The following CNTN4 variants were observed in gnomAD, a reference collection of about 807,000 sequenced individuals.
CNTN4 encodes contactin 4, also known as contactin-4.
In CNTN4, 77 loss-of-function variants were observed where a neutral mutation model predicts 122.5. The ratio of observed to expected loss-of-function variants is 0.63; its 90% CI spans 0.52 to 0.76. CNTN4 has a LOEUF of 0.76. CNTN4 is among the 30% of genes least tolerant of loss of function. The probability of loss-of-function intolerance (pLI) is 0.00; values close to 1 mark genes in which losing one functional copy is unlikely to be tolerated. For synonymous variants in CNTN4, 512 were observed against 447.0 expected, an observed-to-expected ratio of 1.15 and a Z score of -1.83; for missense variants, 1,256 against 1,259.1, an observed-to-expected ratio of 1.00 and a Z score of 0.04.
chr3:2,193,349 GAAA>G (rs369675544), intron 2 of CNTN4, among the ~76,000 whole-genome samples: 2 of 143,438 alleles, frequency 1.4e-5, no homozygotes, highest in African/African-American at 5.1e-5. Context: ...GAAGGAGAAG[GAAA>G]AAAAAAAGCC....
intron 7 of CNTN4, among the ~76,000 whole-genome samples, chr3:2,822,264 A>C (rs1332202030): frequency 6.6e-6 from 1 of 152,212 alleles, no homozygotes; most frequent in African/African-American, 2.4e-5. Context: ...TCTGTTTCAA[A>C]TCATTATTTG....
chr3:2,564,045 T>G (rs1171197156), intron 3 of CNTN4, among the ~76,000 whole-genome samples: 6 of 152,194 alleles, frequency 3.9e-5, no homozygotes, highest in Non-Finnish European at 8.8e-5. Flanking sequence ...TGTCTGTCAT[T>G]GGGAATGATT....
intron 3 of CNTN4, among the ~76,000 whole-genome samples, chr3:2,568,317 G>GAAA (rs770465722): frequency 0.023 from 1,603 of 70,588 alleles, 57 homozygotes; most frequent in African/African-American, 0.027. Flanking sequence ...GCAAGAATGT[G>GAAA]AAAAAAAAAA....
At chr3:2,902,099 T>C (rs559277905) in intron 11 of CNTN4, among the ~76,000 whole-genome samples, 47 of 152,270 alleles carry the variant, frequency 3.1e-4, no homozygotes, top group African/African-American at 1.1e-3. Flanking sequence ...CAAAGTCTAA[T>C]AAAGTGTCCA....
chr3:2,922,716 G>A (rs114219622), intron 12 of CNTN4, among the ~76,000 whole-genome samples: 1,955 of 145,368 alleles, frequency 0.013, 39 homozygotes, highest in African/African-American at 0.047. Context: ...AGGTTAAAGC[G>A]CTTCTTATGC....
At position 3,026,864 on chromosome 3, in the gene CNTN4, T is replaced by A. The variant is rs116653614; in HGVS notation, c.1662+587T>A. On this transcript the variant is annotated intron_variant, in intron 15 of 24. Coordinates refer to ENST00000418658, the MANE Select transcript of CNTN4 (RefSeq NM_175607.3). ...TAACGGTATATTATCATTGAACACA[T>A]AACAAGAAGAGGTTAAATCTGGGAA... 3.4e-3 allele frequency among the ~76,000 whole-genome samples: 514 copies of A among 152,270 alleles called. 4 individuals are homozygous for A. Among genetic ancestry groups the A allele is most frequent in the African/African-American group, 0.011 (469 of 41,552 alleles).
At chr3:2,331,133 G>C (rs1334691487) in intron 2 of CNTN4, among the ~76,000 whole-genome samples, 1 of 152,160 alleles carries the variant, frequency 6.6e-6, no homozygotes, top group African/African-American at 2.4e-5. Context: ...GTTTCCCAAT[G>C]GGAAGGACAG....
chr3:2,209,759 T>G (rs1012069360), intron 2 of CNTN4, among the ~76,000 whole-genome samples: 1 of 152,134 alleles, frequency 6.6e-6, no homozygotes, highest in Non-Finnish European at 1.5e-5. Flanking sequence ...AAGTACAACT[T>G]CTGGGGAAAA....
At chr3:2,852,167 T>C (rs962252298) in intron 7 of CNTN4, among the ~76,000 whole-genome samples, 1 of 152,222 alleles carries the variant, frequency 6.6e-6, no homozygotes, top group African/African-American at 2.4e-5. Context: ...TAACACTGTA[T>C]ACATGATCAC....
At chr3:2,174,822 A>C (rs2036678717) in intron 2 of CNTN4, among the ~76,000 whole-genome samples, 1 of 152,184 alleles carries the variant, frequency 6.6e-6, no homozygotes, top group African/African-American at 2.4e-5. Flanking sequence ...AAGGCAAAGC[A>C]GGAGCGGGCA....
intron 2 of CNTN4, among the ~76,000 whole-genome samples, chr3:2,149,636 A>AT (rs1442311547): frequency 6.6e-6 from 1 of 152,174 alleles, no homozygotes; most frequent in African/African-American, 2.4e-5. Context: ...GTCATGTCTA[A>AT]TTTTTTAATC....
intron 18 of CNTN4, 60 bp downstream of exon 18, chr3:3,037,388 C>G (rs566054794): frequency 6.2e-7 from 1 of 1,608,402 alleles, no homozygotes; most frequent in East Asian, 2.2e-5. Context: ...TTAGGAAAAG[C>G]GTTTGAATTC....
intron 2 of CNTN4, among the ~76,000 whole-genome samples, chr3:2,304,286 A>C (rs1028270074): frequency 6.6e-6 from 1 of 152,172 alleles, no homozygotes; most frequent in East Asian, 1.9e-4. Flanking sequence ...TGTAATAATC[A>C]TGTAGCTTAG....
chr3:3,042,415 G>T lies in CNTN4; in HGVS notation c.2504G>T (p.Gly835Val). The T allele has an allele frequency of 6.2e-7, 1 of 1,605,434 alleles. No individual in the cohort carries two copies. Among genetic ancestry groups the T allele is most frequent in the South Asian group, 1.1e-5 (1 of 90,916 alleles). The change falls in exon 21 of 25, where the codon GGT becomes GTT. Residue 835 changes from glycine (G) to valine (V), a missense_variant. Coordinates refer to ENST00000418658, the MANE Select transcript of CNTN4 (RefSeq NM_175607.3). ...PLEKNRGRIQ[G>V]YEVKYWRHED... ...GAGAAGAATAGAGGACGAATACAAG[G>T]TTATGAGGTAGGCAAGACATATGTG...
intron 2 of CNTN4, among the ~76,000 whole-genome samples, chr3:2,118,238 C>T (rs1433413617): frequency 6.6e-6 from 1 of 152,134 alleles, no homozygotes; most frequent in Non-Finnish European, 1.5e-5. Flanking sequence ...TCAGGTCATG[C>T]AGCTAATAAA....
At position 2,246,170 on chromosome 3, in the gene CNTN4, TATC is replaced by T. The variant is rs756621143; in HGVS notation, c.-144-93005_-144-93003del. On this transcript the variant is annotated intron_variant, in intron 2 of 24. Coordinates refer to ENST00000418658, the MANE Select transcript of CNTN4 (RefSeq NM_175607.3). ...CACTGATGTGTTTTTTTAAAAAAAATATCATACAATGCAATTGCATATTTTGGA... is the reference window on the plus strand; with the variant it reads ...CACTGATGTGTTTTTTTAAAAAAAATATACAATGCAATTGCATATTTTGGA... Among the ~76,000 whole-genome samples, 176 of 150,448 alleles carry T rather than the reference TATC, an allele frequency of 1.2e-3. 1 individual carries two copies. Among genetic ancestry groups the T allele is most frequent in the South Asian group, 1.0e-3 (5 of 4,812 alleles).
intron 10 of CNTN4, among the ~76,000 whole-genome samples, chr3:2,898,291 C>A (rs2094136804): frequency 6.6e-6 from 1 of 152,134 alleles, no homozygotes; most frequent in African/African-American, 2.4e-5. Context: ...TATATCAGTT[C>A]AAATTTGTCT....
intron 3 of CNTN4, among the ~76,000 whole-genome samples, chr3:2,360,517 A>G (rs2045085972): frequency 6.6e-6 from 1 of 152,180 alleles, no homozygotes; most frequent in African/African-American, 2.4e-5. Flanking sequence ...GTATTAGTCC[A>G]TTTTCATGCT....
At chr3:2,183,611 C>T (rs2037118374) in intron 2 of CNTN4, among the ~76,000 whole-genome samples, 1 of 152,240 alleles carries the variant, frequency 6.6e-6, no homozygotes, top group South Asian at 2.1e-4. Context: ...AATAGAGAAT[C>T]TAGTTGTTAG....
Sources: allele counts gnomAD v4.1 joint callset (sites outside exome capture counted in the v4.1 genomes callset), GRCh38; gene constraint gnomAD v4.1.1; transcripts MANE v1.5; gene names NCBI Gene and HGNC (gene_info 2026-07-23, HGNC 2026-07-21).